GREB1L: variants seen among roughly 807,000 people sequenced by gnomAD.
The protein encoded by GREB1L is GREB1-like protein.
In GREB1L, 17 loss-of-function variants were observed where a neutral mutation model predicts 200.8. The ratio of observed to expected loss-of-function variants is 0.08; its 90% CI spans 0.06 to 0.13. The LOEUF (loss-of-function observed/expected upper bound fraction) is 0.13. Among genes scored for constraint, GREB1L ranks in the 10% least tolerant of loss-of-function variants. GREB1L has a pLI of 1.00. For synonymous variants in GREB1L, 789 were observed against 893.0 expected, an observed-to-expected ratio of 0.88 and a Z score of 2.08; for missense variants, 1,657 against 2,367.7, an observed-to-expected ratio of 0.70 and a Z score of 6.23.
chr18:21,508,133 C>A lies in GREB1L; in HGVS notation c.4384C>A (p.Leu1462Ile). The A allele has an allele frequency of 6.4e-7, 1 of 1,551,658 alleles. No homozygotes were observed. Among genetic ancestry groups the A allele is most frequent in the Non-Finnish European group, 8.7e-7 (1 of 1,146,974 alleles). ...TSASQMSDST[L>I]HAFTFSSSML... is the part of the protein sequence containing the mutation. ...GCAAATGTAGATGTCTGACTCCACCCTTCATGCCTTCACATTCTCTTCTTC... is the reference window on the plus strand; with the variant it reads ...GCAAATGTAGATGTCTGACTCCACCATTCATGCCTTCACATTCTCTTCTTC... Residue 1462 changes from leucine to isoleucine, a missense_variant, in exon 26 of 33, where the codon CTT becomes ATT. By Grantham distance (5) the Leu-to-Ile change is conservative. Coordinates refer to ENST00000424526, the MANE Select transcript of GREB1L (RefSeq NM_001142966.3).
At chr18:21,483,166 A>G (rs774692630) in intron 17 of GREB1L, among the ~76,000 whole-genome samples, 2 of 152,200 alleles carry the variant, frequency 1.3e-5, no homozygotes, top group Non-Finnish European at 2.9e-5. Flanking sequence ...AAAAACGAGG[A>G]CAGGTGGATG....
intron 1 of GREB1L, among the ~76,000 whole-genome samples, chr18:21,327,024 C>G (rs371206932): frequency 6.6e-6 from 1 of 152,090 alleles, no homozygotes; most frequent in South Asian, 2.1e-4. Flanking sequence ...AATCATGAAA[C>G]CTTGAATTTC....
intron 7 of GREB1L, among the ~76,000 whole-genome samples, chr18:21,430,746 G>A (rs1429427300): frequency 6.6e-6 from 1 of 150,742 alleles, no homozygotes; most frequent in Non-Finnish European, 1.5e-5. Flanking sequence ...ACAGGCATGC[G>A]CCACCACACC....
At chr18:21,363,630 T>A (rs1385314141) in intron 1 of GREB1L, 1 of 152,092 alleles carries the variant, frequency 6.6e-6, no homozygotes, top group Non-Finnish European at 1.5e-5. Context: ...CATTACAAGA[T>A]GGATGGGTCT....
rs752240014 is a variant in GREB1L, at chr18:21,500,120, C to T, written c.3783C>T (p.Asp1261=). The stretch of plus-strand genomic sequence containing the variant: ...CCTCCTCCCTGCTGCCCCACGCCGA[C>T]GTGGCCTGGGTGAGCTCCCTGCGGC... ...PSSSSLLPHA[D]VAWVSSLRPL... is the part of the protein sequence containing the mutation. Residue 1261 remains aspartate, a synonymous_variant, in exon 22 of 33, where the codon GAC becomes GAT. Transcript: ENST00000424526. 5.8e-6 allele frequency: 9 copies of T among 1,551,588 alleles called. No individual in the cohort carries two copies. The highest frequency in any genetic ancestry group is 2.7e-5 in the African/African-American group (2 of 73,064).
chr18:21,417,608 A>G (rs2031764978), intron 7 of GREB1L, among the ~76,000 whole-genome samples: 1 of 152,248 alleles, frequency 6.6e-6, no homozygotes, highest in East Asian at 1.9e-4. Context: ...CAACCAGCAG[A>G]CTCACACTAC....
At chr18:21,319,240 A>C (rs1001790648) in intron 1 of GREB1L, among the ~76,000 whole-genome samples, 3 of 152,242 alleles carry the variant, frequency 2.0e-5, no homozygotes, top group African/African-American at 4.8e-5. Context: ...AGTCTAATTC[A>C]AAATCATACA....
rs1166946864 is a variant in GREB1L at position 21,500,235 on chromosome 18, A to C, written c.3898A>C (p.Asn1300His). 1.3e-6 allele frequency: 2 copies of C among 1,526,250 alleles called. No individual in the cohort carries two copies. Among genetic ancestry groups the C allele is most frequent in the Non-Finnish European group, 1.8e-6 (2 of 1,132,174 alleles). 94.5% of individuals were successfully genotyped at this position (1,526,250 alleles called of 1,614,324 possible). Reference protein sequence around the residue: ...LARQHHADYSNQLDPASGTRN... With the variant: ...LARQHHADYSHQLDPASGTRN... ...CCGGCAGCACCACGCTGACTATAGC[A>C]ACCAGCTGGACCCGGCCTCTGGCAC... The change falls in exon 22 of 33, where the codon AAC (asparagine) becomes CAC (histidine). Residue 1300 changes from asparagine (N) to histidine (H), a missense_variant. By Grantham distance (68) the Asn-to-His change is moderately conservative. Transcript: ENST00000424526.
chr18:21,417,367 CA>C (rs900911729), intron 7 of GREB1L, among the ~76,000 whole-genome samples: 83 of 151,218 alleles, frequency 5.5e-4, no homozygotes, highest in African/African-American at 1.9e-3. Flanking sequence ...ACTAAAAATG[CA>C]AAAAAAATTG....
intron 1 of GREB1L, among the ~76,000 whole-genome samples, chr18:21,291,698 G>A (rs1056526098): frequency 1.3e-5 from 2 of 152,188 alleles, no homozygotes; most frequent in Non-Finnish European, 2.9e-5. Flanking sequence ...GAAGAAGGTG[G>A]TTCCCCAAGA....
At chr18:21,456,175 G>A (rs1284922259) in intron 15 of GREB1L, among the ~76,000 whole-genome samples, 1 of 152,002 alleles carries the variant, frequency 6.6e-6, no homozygotes, top group Non-Finnish European at 1.5e-5. Context: ...CAAAGTGCTG[G>A]GATTACAGGC....
intron 31 of GREB1L, among the ~76,000 whole-genome samples, chr18:21,520,418 CTTGT>C (rs1231334216): frequency 6.6e-6 from 1 of 152,184 alleles, no homozygotes; most frequent in East Asian, 1.9e-4. Context: ...AATGGAAGGG[CTTGT>C]TTCTTACTAC....
At chr18:21,516,574 T>A in intron 29 of GREB1L, 39 bp from the exon 30 acceptor site, 1 of 1,538,246 alleles carries the variant, frequency 6.5e-7, no homozygotes, top group Non-Finnish European at 8.8e-7. Flanking sequence ...GGTTGAGATA[T>A]GCCAGCGGAA....
chr18:21,390,697 C>T (rs559811209), intron 4 of GREB1L, among the ~76,000 whole-genome samples: 1 of 152,146 alleles, frequency 6.6e-6, no homozygotes, highest in African/African-American at 2.4e-5. Flanking sequence ...CCACCATGCC[C>T]AGCTAATTTT....
intron 5 of GREB1L, 63 bp downstream of exon 5, chr18:21,395,624 A>G: frequency 8.3e-7 from 1 of 1,210,318 alleles, no homozygotes; most frequent in Non-Finnish European, 1.1e-6. Flanking sequence ...ACATTTATTT[A>G]AAACTACTGC....
chr18:21,351,305 T>A (rs2039429468), intron 1 of GREB1L, among the ~76,000 whole-genome samples: 1 of 152,136 alleles, frequency 6.6e-6, no homozygotes, highest in Non-Finnish European at 1.5e-5. Flanking sequence ...CCAGGAGTGA[T>A]GGTTCACACC....
chr18:21,406,625 A>G (rs2030270580), intron 7 of GREB1L, among the ~76,000 whole-genome samples: 1 of 152,172 alleles, frequency 6.6e-6, no homozygotes, highest in South Asian at 2.1e-4. Context: ...CACTTCCTTA[A>G]CTGATGGATT....
Position 21,444,248 on chromosome 18 carries a change from A to G in GREB1L, c.1232A>G (p.Tyr411Cys), listed in dbSNP as rs927619746. The G allele has an allele frequency of 1.2e-5, 18 of 1,551,284 alleles. No homozygotes were observed. Among genetic ancestry groups the G allele is most frequent in the Admixed American group, 2.0e-5 (1 of 50,990 alleles). ...GGCTATGGCACTTTACCCTATTTCTATGGAAATGTTGGTGACATTGTTGTG... is the reference window on the plus strand; with the variant it reads ...GGCTATGGCACTTTACCCTATTTCTGTGGAAATGTTGGTGACATTGTTGTG... Reference protein sequence around the residue: ...LIGYGTLPYFYGNVGDIVVSP... With the variant: ...LIGYGTLPYFCGNVGDIVVSP... Residue 411 changes from tyrosine to cysteine, a missense_variant, in exon 11 of 33, where the codon TAT (tyrosine) becomes TGT (cysteine). By Grantham distance (194) the Tyr-to-Cys change is radical. Around this residue, in one of 9 missense-constraint regions of GREB1L, gnomAD observed 289 missense variants for 345.1 expected, o/e 0.84. Coordinates refer to ENST00000424526, the MANE Select transcript of GREB1L (RefSeq NM_001142966.3).
chr18:21,303,380 T>C (rs943775268), intron 1 of GREB1L, among the ~76,000 whole-genome samples: 1 of 152,160 alleles, frequency 6.6e-6, no homozygotes, highest in African/African-American at 2.4e-5. Context: ...AATGGAAAAA[T>C]TCTTGTTCTT....
Sources: gnomAD v4.1 joint callset for allele counts (sites outside exome capture counted in the v4.1 genomes callset) on GRCh38, gnomAD v4.1.1 for gene constraint, gnomAD v4.1.1 regional missense constraint, MANE v1.5 for transcripts, NCBI Gene and HGNC (gene_info 2026-07-23, HGNC 2026-07-21) for gene names.